The following MUC5AC variants were observed in gnomAD, a reference collection of about 807,000 sequenced individuals.
MUC5AC encodes the protein mucin 5AC, oligomeric mucus/gel-forming.
In MUC5AC, 158 loss-of-function variants were observed where a neutral mutation model predicts 169.7. That is an observed-to-expected ratio of 0.93 (90% CI 0.82 to 1.06). MUC5AC has a LOEUF of 1.06. Among genes scored for constraint, MUC5AC ranks in the 50% least tolerant of loss-of-function variants. The pLI is 0.00. For synonymous variants in MUC5AC, 1,975 were observed against 1,237.0 expected (o/e 1.60, Z -12.52); for missense variants, 4,359 against 3,089.9 (o/e 1.41, Z -9.74).
At chr11:1,173,345 CCACT>C (rs1280365730) in intron 16 of MUC5AC, among the ~76,000 whole-genome samples, 10 of 122,422 alleles carry the variant, frequency 8.2e-5, no homozygotes, top group East Asian at 2.5e-4. Flanking sequence ...ATCCACTCAC[CCACT>C]CACTCACTCA....
In MUC5AC at chr11:1,178,586, C is replaced by T; in HGVS notation, c.3230C>T (p.Pro1077Leu). Residue 1077 changes from proline (P) to leucine (L), a missense_variant, in exon 25 of 49, where the codon CCC becomes CTC. Coordinates refer to ENST00000621226, the MANE Select transcript of MUC5AC (RefSeq NM_001304359.2). ...LSPSCPDALA[P>L]KDPCTANPFR... is the part of the protein sequence containing the mutation. ...CCCTCCTGCCCAGATGCCCTGGCGC[C>T]CAAGGACCCCTGCACGGCCAACCCC... The T allele has an allele frequency of 1.4e-6, 2 of 1,414,072 alleles. No individual in the cohort carries two copies. Among genetic ancestry groups the T allele is most frequent in the East Asian group, 2.7e-5 (1 of 36,846 alleles). 87.6% of individuals were successfully genotyped at this position (1,414,072 alleles called of 1,614,324 possible).
At chr11:1,179,630 G>A (rs1365266722) in intron 26 of MUC5AC, among the ~76,000 whole-genome samples, 2 of 127,764 alleles carry the variant, frequency 1.6e-5, no homozygotes, top group Non-Finnish European at 3.7e-5. Flanking sequence ...TAGGGAGGAG[G>A]GCGTGGCTGA....
chr11:1,179,386 G>A (rs1860759538), intron 26 of MUC5AC, 138 bp downstream of exon 26: 3 of 472,240 alleles, frequency 6.4e-6, no homozygotes, highest in Non-Finnish European at 7.5e-6. Flanking sequence ...GGCCCAGAGA[G>A]GAGGGCGTGG....
chr11:1,169,861 TTCACCCAC>T (rs1860448168), intron 15 of MUC5AC, among the ~76,000 whole-genome samples: 1 of 50,520 alleles, frequency 2.0e-5, no homozygotes, highest in Non-Finnish European at 4.0e-5. Flanking sequence ...GACTCACCCA[TTCACCCAC>T]TCACCCACTC....
Position 1,199,424 on chromosome 11 carries a change from G to A in MUC5AC, c.16449G>A (p.Glu5483=), listed in dbSNP as rs1179841087. ...ACCACTGTGTGACCCACCAGTGTGAGAAGCACCAGGATGGGCTCGTGGTGG... is the reference window on the plus strand; with the variant it reads ...ACCACTGTGTGACCCACCAGTGTGAAAAGCACCAGGATGGGCTCGTGGTGG... ...AGNHCVTHQC[E]KHQDGLVVVT... The change falls in exon 46 of 49, where the codon GAG becomes GAA. Residue 5483 remains glutamate, a synonymous_variant. Transcript: ENST00000621226. 1.4e-6 allele frequency: 1 copy of A among 732,326 alleles called. No individual in the cohort carries two copies. Among genetic ancestry groups the A allele is most frequent in the African/African-American group, 1.7e-5 (1 of 58,390 alleles). 45.4% of individuals were successfully genotyped at this position (732,326 alleles called of 1,614,324 possible). A position where few individuals can be genotyped will look rare whatever the true frequency, so the allele number is the denominator to read the frequency against.
At chr11:1,195,472 C>T (rs1861246377) in intron 36 of MUC5AC, among the ~76,000 whole-genome samples, 193 bp downstream of exon 36, 1 of 115,990 alleles carries the variant, frequency 8.6e-6, no homozygotes, top group African/African-American at 3.3e-5. Context: ...TGGGGAGGGG[C>T]GGGTGCCGGG....
chr11:1,160,492 G>C, intron 1 of MUC5AC, 120 bp from the exon 2 acceptor site: 1 of 785,518 alleles, frequency 1.3e-6, no homozygotes, highest in Non-Finnish European at 2.1e-6. Flanking sequence ...CCCTTGCCAC[G>C]GGCCACCCCC....
At chr11:1,200,173 G>A (rs765118565) in intron 48 of MUC5AC, among the ~76,000 whole-genome samples, 3 of 152,226 alleles carry the variant, frequency 2.0e-5, no homozygotes, top group African/African-American at 4.8e-5. Flanking sequence ...TCGGCATCAC[G>A]CTCTCCTGTT....
intron 40 of MUC5AC, 87 bp downstream of exon 40, chr11:1,196,995 A>G: frequency 1.4e-6 from 1 of 706,244 alleles, no homozygotes; most frequent in South Asian, 1.5e-5. Context: ...AGAAATGGTC[A>G]GGTGGGGCTC....
At chr11:1,174,769 A>C in intron 17 of MUC5AC, 113 bp from the exon 18 acceptor site, 1 of 461,106 alleles carries the variant, frequency 2.2e-6, no homozygotes, top group Non-Finnish European at 3.8e-6. Context: ...GTGGCCTTGG[A>C]CCCGGCCGAG....
rs1045627860 is a variant in MUC5AC at position 1,176,720 on chromosome 11, C to A, written c.2654+55C>A. On this transcript the variant is annotated intron_variant, in intron 21 of 48. Transcript: ENST00000621226. ...GTGTCAGGCCCAGGAAACCAGAGGC[C>A]CTCCTTAAAGACGGGCGAGCCCCCA... The A allele has an allele frequency of 1.5e-5, 6 of 398,590 alleles. No individual in the cohort carries two copies. In the East Asian group the frequency reaches 2.1e-4, roughly 14 times the overall value. 24.7% of individuals were successfully genotyped at this position (398,590 alleles called of 1,614,324 possible).
chr11:1,188,558 C>T lies in MUC5AC; in HGVS notation c.10413C>T (p.Thr3471=). 1.3e-6 allele frequency: 1 copy of T among 760,282 alleles called. No homozygotes were observed. The highest frequency in any genetic ancestry group is 2.4e-6 in the Non-Finnish European group (1 of 415,180). 47.1% of individuals were successfully genotyped at this position (760,282 alleles called of 1,614,324 possible). A position where few individuals can be genotyped will look rare whatever the true frequency, so the allele number is the denominator to read the frequency against. The change falls in exon 31 of 49, where the codon ACC becomes ACT. Residue 3471 remains threonine, a synonymous_variant. Coordinates refer to ENST00000621226, the MANE Select transcript of MUC5AC (RefSeq NM_001304359.2). The part of the protein sequence containing the change: ...STTSTPQTSK[T]SAATSSTTSG... ...CCTCCACTCCACAGACCAGCAAAAC[C>T]TCAGCTGCTACAAGCAGCACAACCT... is the stretch of plus-strand genomic sequence containing the variant.
At chr11:1,179,426 C>T (rs1355455779) in intron 26 of MUC5AC, among the ~76,000 whole-genome samples, 178 bp downstream of exon 26, 1 of 148,562 alleles carries the variant, frequency 6.7e-6, no homozygotes, top group Non-Finnish European at 1.5e-5. Context: ...CATGGTAGAA[C>T]GTTCTGGGCA....
intron 2 of MUC5AC, among the ~76,000 whole-genome samples, chr11:1,161,314 A>G (rs1313070202): frequency 6.7e-6 from 1 of 150,034 alleles, no homozygotes; most frequent in Non-Finnish European, 1.5e-5. Context: ...AGCCGGGAGG[A>G]ATGAAAAAGT....
intron 1 of MUC5AC, among the ~76,000 whole-genome samples, chr11:1,159,692 C>CGGGGCTGTGT (rs1326667470): frequency 9.5e-6 from 1 of 105,446 alleles, no homozygotes; most frequent in African/African-American, 3.5e-5. Flanking sequence ...TGGTTCTGTG[C>CGGGGCTGTGT]GGGGCTGTGT....
chr11:1,175,395 C>G (rs1266387499), intron 19 of MUC5AC, 125 bp downstream of exon 19: 2 of 397,592 alleles, frequency 5.0e-6, no homozygotes, highest in Non-Finnish European at 8.9e-6. Flanking sequence ...ATCAGCTGCT[C>G]AGTGTCAGGC....
At position 1,168,829 on chromosome 11, in the gene MUC5AC, G is replaced by A. The variant is rs56060732; in HGVS notation, c.1706-33G>A. On this transcript the variant is annotated intron_variant, in intron 14 of 48. Transcript: ENST00000621226. ...GGAGCCCACCCACTCTGGCCAGGGC[G>A]CATGGTCCTCAACCTGCCTAACCCG... is the stretch of plus-strand genomic sequence containing the variant. 3.6e-4 allele frequency: 567 copies of A among 1,577,210 alleles called. 2 individuals are homozygous for A. In the African/African-American group the frequency reaches 7.0e-3, roughly 19 times the overall value.
At position 1,188,516 on chromosome 11, in the gene MUC5AC, C is replaced by A. The variant is rs1198271043; in HGVS notation, c.10371C>A (p.Ala3457=). 2.7e-6 allele frequency: 2 copies of A among 729,512 alleles called. No individual in the cohort carries two copies. Among genetic ancestry groups the A allele is most frequent in the East Asian group, 5.0e-5 (2 of 40,340 alleles). 45.2% of individuals were successfully genotyped at this position (729,512 alleles called of 1,614,324 possible). ...CTACTACAACCAGCACAACCTCTGC[C>A]CCTACAAGCAGCACAACCTCCACTC... ...TSATTTSTTS[A]PTSSTTSTPQ... The change falls in exon 31 of 49, where the codon GCC becomes GCA. Residue 3457 remains alanine, a synonymous_variant. Coordinates refer to ENST00000621226, the MANE Select transcript of MUC5AC (RefSeq NM_001304359.2).
intron 15 of MUC5AC, 93 bp downstream of exon 15, chr11:1,169,119 G>C: frequency 7.0e-7 from 1 of 1,430,018 alleles, no homozygotes; most frequent in East Asian, 2.6e-5. Context: ...CCGGCCCTGC[G>C]TGTGCCTGTG....
Sources: allele counts gnomAD v4.1 joint callset (sites outside exome capture counted in the v4.1 genomes callset), GRCh38; gene constraint gnomAD v4.1.1; transcripts MANE v1.5; gene names NCBI Gene and HGNC (gene_info 2026-07-23, HGNC 2026-07-21).